MLANA: variants seen among roughly 807,000 people sequenced by gnomAD.
The protein encoded by MLANA is melan-A.
In MLANA, 21 loss-of-function variants were observed where a neutral mutation model predicts 15.7. That is an observed-to-expected ratio of 1.33 (90% confidence interval 0.95 to 1.92). The LOEUF (loss-of-function observed/expected upper bound fraction) is 1.92, where lower values mean the gene tolerates loss of function less well. MLANA is among the 40% of genes most tolerant of loss of function. MLANA has a pLI of 0.00. For synonymous variants in MLANA, 56 were observed against 51.5 expected (o/e 1.09, Z -0.37); for missense variants, 164 against 143.8 (o/e 1.14, Z -0.72).
At position 5,907,013 on chromosome 9, in the gene MLANA, T is replaced by C. The variant is rs1459017226; in HGVS notation, c.288+15T>C. The C allele has an allele frequency of 1.3e-6, 2 of 1,502,720 alleles. No individual in the cohort carries two copies. The highest frequency in any genetic ancestry group is 2.9e-5 in the African/African-American group (2 of 70,070). 93.1% of individuals were successfully genotyped at this position (1,502,720 alleles called of 1,614,324 possible). ...GTGAACCTGTGGTAGGTTAAGATCC[T>C]TCATAAGGGTATTTTCATGAATGGC... On this transcript the variant is annotated intron_variant, in intron 4 of 4. Transcript: ENST00000381477.
chr9:5,904,987 A>G (rs540134679), intron 3 of MLANA, among the ~76,000 whole-genome samples: 1 of 150,844 alleles, frequency 6.6e-6, no homozygotes, highest in Non-Finnish European at 1.5e-5. Context: ...GTTAGCCAGG[A>G]TGGTCTCAAT....
chr9:5,896,586 A>G (rs554170478), intron 2 of MLANA, among the ~76,000 whole-genome samples: 1 of 152,288 alleles, frequency 6.6e-6, no homozygotes, highest in South Asian at 2.1e-4. Flanking sequence ...CTTGTAAGTC[A>G]CTCAGCTCTG....
chr9:5,894,587 G>T lies in MLANA; in HGVS notation c.77+2036G>T, dbSNP rs1250029096. On this transcript the variant is annotated intron_variant, in intron 2 of 4. Coordinates refer to ENST00000381477, the MANE Select transcript of MLANA (RefSeq NM_005511.2). This position sits in a 1 kb window ranked among gnomAD's most constrained non-coding sequence, Gnocchi z 4.0. ...GTGAGGGGCATGAATCAAATACTCAGGCCTCTGAGGTCAGCCAGTGCTCTG... is the reference window on the plus strand; with the variant it reads ...GTGAGGGGCATGAATCAAATACTCATGCCTCTGAGGTCAGCCAGTGCTCTG... Among the ~76,000 whole-genome samples the T allele has an allele frequency of 1.3e-5, 2 of 152,150 alleles. No individual in the cohort carries two copies. Among genetic ancestry groups the T allele is most frequent in the African/African-American group, 4.8e-5 (2 of 41,424 alleles).
In MLANA at chr9:5,894,093, T is replaced by G. The variant is rs1052463655; in HGVS notation, c.77+1542T>G. Among the ~76,000 whole-genome samples, 9 of 152,124 alleles carry G rather than the reference T, an allele frequency of 5.9e-5. No homozygotes were observed. The highest frequency in any genetic ancestry group is 8.8e-5 in the Non-Finnish European group (6 of 68,032). ...GCTGCAGGCCAGCAGAGGCAAATAT[T>G]TGCACAATCCCATCCGACGAGAGGC... On this transcript the variant is annotated intron_variant, in intron 2 of 4. Coordinates refer to ENST00000381477, the MANE Select transcript of MLANA (RefSeq NM_005511.2). The surrounding 1 kb of genome is among the most constrained non-coding windows in gnomAD (Gnocchi z 4.0).
At position 5,910,342 on chromosome 9, in the gene MLANA, A is replaced by C. The variant is rs764061003; in HGVS notation, c.*1634A>C. 1.3e-5 allele frequency: 2 copies of C among 152,352 alleles called. No individual in the cohort carries two copies. Among genetic ancestry groups the C allele is most frequent in the Admixed American group, 6.5e-5 (1 of 15,304 alleles). The allele number at this position is 152,352 out of a possible 1,614,324, so 9.4% of individuals were successfully genotyped here. ...GGGAAAAAGAAAACACAGGATAAAG[A>C]GATGTATTACACACATCGAAAAAAA... On this transcript the variant is annotated 3_prime_UTR_variant, in exon 5 of 5. Coordinates refer to ENST00000381477, the MANE Select transcript of MLANA (RefSeq NM_005511.2).
intron 2 of MLANA, among the ~76,000 whole-genome samples, chr9:5,896,584 T>A (rs1832036679): frequency 6.6e-6 from 1 of 152,186 alleles, no homozygotes; most frequent in Non-Finnish European, 1.5e-5. Context: ...CTCTTGTAAG[T>A]CACTCAGCTC....
chr9:5,899,651 G>A (rs2129938761), intron 3 of MLANA, among the ~76,000 whole-genome samples: 1 of 152,292 alleles, frequency 6.6e-6, no homozygotes, highest in Non-Finnish European at 1.5e-5. Flanking sequence ...TTTAATCTCT[G>A]CCATAGAACT....
rs145116296 is a variant in MLANA at position 5,898,764 on chromosome 9, C to G, written c.174+1111C>G. On this transcript the variant is annotated intron_variant, in intron 3 of 4. Coordinates refer to ENST00000381477, the MANE Select transcript of MLANA (RefSeq NM_005511.2). ...CTTTTCTTCTTCACCCCTTTCCTCA[C>G]TGGTTACCTGTGAATTCCAAGTTCT... Among the ~76,000 whole-genome samples, 292 of 152,306 alleles carry G rather than the reference C, an allele frequency of 1.9e-3. 1 individual carries two copies. The highest frequency in any genetic ancestry group is 6.5e-3 in the African/African-American group (271 of 41,568).
intron 3 of MLANA, chr9:5,899,120 C>T (rs891574971): frequency 1.3e-5 from 2 of 152,126 alleles, no homozygotes; most frequent in African/African-American, 2.4e-5. Flanking sequence ...CCATAGATCT[C>T]GCTGTCTCTC....
intron 4 of MLANA, 127 bp from the exon 5 acceptor site, chr9:5,908,513 T>C (rs1832959888): frequency 4.9e-6 from 4 of 814,882 alleles, no homozygotes; most frequent in Middle Eastern, 2.3e-4. Flanking sequence ...GCAGAAATTA[T>C]ATGGGAACAC....
chr9:5,903,191 T>C (rs912182710), intron 3 of MLANA, among the ~76,000 whole-genome samples: 2 of 152,212 alleles, frequency 1.3e-5, no homozygotes, highest in African/African-American at 4.8e-5. Context: ...AGTGCAAACA[T>C]GGTATAATTT....
At chr9:5,896,121 G>A (rs989243038) in intron 2 of MLANA, among the ~76,000 whole-genome samples, 7 of 152,222 alleles carry the variant, frequency 4.6e-5, no homozygotes, top group African/African-American at 9.6e-5. Flanking sequence ...TTGGTCTCCC[G>A]TTCCAGTTGC....
At chr9:5,896,452 G>A (rs1290426561) in intron 2 of MLANA, among the ~76,000 whole-genome samples, 2 of 152,148 alleles carry the variant, frequency 1.3e-5, no homozygotes, top group African/African-American at 2.4e-5. Context: ...GTTTGGAGAC[G>A]GACAGGATAA....
In MLANA at chr9:5,891,556, A is replaced by C. The variant is rs1391392191; in HGVS notation, c.-26+620A>C. On this transcript the variant is annotated intron_variant, in intron 1 of 4. Transcript: ENST00000381477. Reference sequence around the variant, plus strand: ...GGCTCATTAATATAATTCTATGGGGATCACACCTTTGAAATTCATGAGGAC... The same window carrying C: ...GGCTCATTAATATAATTCTATGGGGCTCACACCTTTGAAATTCATGAGGAC... Among the ~76,000 whole-genome samples the C allele has an allele frequency of 2.0e-5, 3 of 152,154 alleles. No individual in the cohort carries two copies. The East Asian group carries it at 5.8e-4, about 29-fold the overall frequency.
chr9:5,893,290 C>G (rs1042140258), intron 2 of MLANA, among the ~76,000 whole-genome samples: 2 of 152,150 alleles, frequency 1.3e-5, no homozygotes, highest in African/African-American at 4.8e-5. Context: ...TCTGTACGTG[C>G]TGGGTGGCAG....
At chr9:5,900,700 C>T (rs1832355785) in intron 3 of MLANA, among the ~76,000 whole-genome samples, 1 of 152,104 alleles carries the variant, frequency 6.6e-6, no homozygotes, top group Non-Finnish European at 1.5e-5. Flanking sequence ...AAAATTTCTC[C>T]CTTGGTTAAC....
chr9:5,906,605 C>T (rs568107901), intron 3 of MLANA, among the ~76,000 whole-genome samples: 7 of 152,198 alleles, frequency 4.6e-5, no homozygotes, highest in Non-Finnish European at 1.0e-4. Context: ...TTATCCTTCC[C>T]TTCAGAAATA....
At chr9:5,893,028 G>A (rs1191776104) in intron 2 of MLANA, among the ~76,000 whole-genome samples, 1 of 152,166 alleles carries the variant, frequency 6.6e-6, no homozygotes, top group African/African-American at 2.4e-5. Context: ...AGCCTTTGCA[G>A]TATAACTTTA....
chr9:5,896,388 T>G (rs1352566013), intron 2 of MLANA, among the ~76,000 whole-genome samples: 1 of 152,214 alleles, frequency 6.6e-6, no homozygotes, highest in Non-Finnish European at 1.5e-5. Context: ...TGGACTGACC[T>G]ACATAAGTCA....
Sources: gnomAD v4.1 joint callset for allele counts (sites outside exome capture counted in the v4.1 genomes callset) on GRCh38, gnomAD v4.1.1 for gene constraint, Gnocchi (gnomAD v3.1) non-coding constraint, MANE v1.5 for transcripts, NCBI Gene and HGNC (gene_info 2026-07-23, HGNC 2026-07-21) for gene names.